TAMM41: variants seen among roughly 807,000 people sequenced by gnomAD.
TAMM41 encodes TAM41 mitochondrial translocator assembly and maintenance homolog, also known as phosphatidate cytidylyltransferase, mitochondrial.
Under a neutral mutation model 44.1 loss-of-function variants are expected in TAMM41, and 36 were observed. The observed-to-expected ratio is 0.82, with a 90% confidence interval of 0.63 to 1.08. TAMM41 has a LOEUF of 1.08. TAMM41 is among the 50% of genes least tolerant of loss of function. The pLI is 0.00. For synonymous variants in TAMM41, 164 were observed against 153.1 expected, an observed-to-expected ratio of 1.07 and a Z score of -0.53; for missense variants, 417 against 404.3, an observed-to-expected ratio of 1.03 and a Z score of -0.27.
chr3:11,796,785 T>G (rs1018056377), intron 7 of TAMM41, among the ~76,000 whole-genome samples: 11 of 152,184 alleles, frequency 7.2e-5, no homozygotes, highest in African/African-American at 2.7e-4. Flanking sequence ...CAAAAGCTCC[T>G]TCAGCTGATA....
chr3:11,809,676 T>C lies in TAMM41; in HGVS notation c.715A>G (p.Lys239Glu). Residue 239 changes from lysine to glutamate, a missense_variant, in exon 6 of 8, where the codon AAA becomes GAA. Physicochemically the swap from Lys to Glu is moderately conservative, Grantham distance 56. Transcript: ENST00000455809. ...TGAGTGAACTGTCCTTCTGGGCTTTTATCTATCTGAAGGGAGGAAAAAAAA... is the reference window on the plus strand; with the variant it reads ...TGAGTGAACTGTCCTTCTGGGCTTTCATCTATCTGAAGGGAGGAAAAAAAA... ...KSQQGWLEID[K>E]SPEGQFTQLM... is the part of the protein sequence containing the mutation. The C allele has an allele frequency of 6.2e-7, 1 of 1,610,464 alleles. No homozygotes were observed. Among genetic ancestry groups the C allele is most frequent in the Non-Finnish European group, 8.5e-7 (1 of 1,179,352 alleles).
chr3:11,786,231 TTG>T (rs1222557296), downstream of TAMM41, among the ~76,000 whole-genome samples: 6 of 151,148 alleles, frequency 4.0e-5, no homozygotes, highest in African/African-American at 1.5e-4. Flanking sequence ...CCCAACATCT[TTG>T]TAACAAAATC....
At chr3:11,801,467 G>A (rs1237343368) in intron 7 of TAMM41, among the ~76,000 whole-genome samples, 1 of 152,042 alleles carries the variant, frequency 6.6e-6, no homozygotes, top group Non-Finnish European at 1.5e-5. Flanking sequence ...TGGGACTACA[G>A]GCACATACCA....
rs75434853 is a variant in TAMM41 at position 11,797,456 on chromosome 3, G to A, written c.938-6875C>T. 4.3e-3 allele frequency among the ~76,000 whole-genome samples: 655 copies of A among 152,276 alleles called. 2 individuals are homozygous for A. Among genetic ancestry groups the A allele is most frequent in the Middle Eastern group, 0.024 (7 of 294 alleles). On this transcript the variant is annotated intron_variant, in intron 7 of 7. Coordinates refer to ENST00000455809, the MANE Select transcript of TAMM41 (RefSeq NM_001284401.2). The stretch of plus-strand genomic sequence containing the variant: ...ACTGGTTAGCCATATGCTGAAGATC[G>A]AAACTGGACCCTTCCTCATACCATA...
At chr3:11,777,175 ATTAAC>A in the TAMM41 span, among the ~76,000 whole-genome samples, 2 of 152,226 alleles carry the variant, frequency 1.3e-5, no homozygotes, top group Non-Finnish European at 1.5e-5. Context: ...GGGTATGCTA[ATTAAC>A]TTGATTGTGG....
chr3:11,724,091 T>A, the TAMM41 span, among the ~76,000 whole-genome samples: 1 of 151,456 alleles, frequency 6.6e-6, no homozygotes, highest in African/African-American at 2.4e-5. Context: ...ATTTTTATAT[T>A]TTTATTTATT....
At chr3:11,773,918 G>A in the TAMM41 span, among the ~76,000 whole-genome samples, 9 of 152,106 alleles carry the variant, frequency 5.9e-5, no homozygotes, top group East Asian at 1.7e-3. Context: ...GCGAAACCTC[G>A]TCTCTACTAA....
At chr3:11,781,784 T>C in the TAMM41 span, among the ~76,000 whole-genome samples, 1 of 131,780 alleles carries the variant, frequency 7.6e-6, no homozygotes. Flanking sequence ...ATAATAATCA[T>C]ACAAATAAGA....
downstream of TAMM41, among the ~76,000 whole-genome samples, chr3:11,786,286 T>TTTATTATTATTATTATTATTA (rs60089566): frequency 1.4e-4 from 20 of 138,854 alleles, no homozygotes; most frequent in African/African-American, 3.6e-4. Flanking sequence ...TTTATTTAAT[T>TTTATTATTATTATTATTATTA]TTATTATTAT....
At chr3:11,815,130 T>C (rs1267424786) in intron 5 of TAMM41, among the ~76,000 whole-genome samples, 1 of 152,092 alleles carries the variant, frequency 6.6e-6, no homozygotes, top group Non-Finnish European at 1.5e-5. Flanking sequence ...GTATATAGTC[T>C]CAAAAACTTG....
the TAMM41 span, among the ~76,000 whole-genome samples, chr3:11,728,061 A>G: frequency 3.9e-5 from 6 of 152,086 alleles, no homozygotes; most frequent in African/African-American, 9.7e-5. Context: ...CGCTGGGATT[A>G]CAGGCGTGAG....
chr3:11,846,536 A>G lies in TAMM41; in HGVS notation c.101T>C (p.Val34Ala). The change falls in exon 1 of 8, where the codon GTG (valine) becomes GCG (alanine). Residue 34 changes from valine to alanine, a missense_variant. Transcript: ENST00000455809. Reference protein sequence around the residue: ...LSLAFVYGSGVYRQAGPSSDQ... With the variant: ...LSLAFVYGSGAYRQAGPSSDQ... ...TGAACTCGGCCCTGCCTGGCGGTAC[A>G]CCCCGGAGCCGTAGACGAAAGCCAG... is the stretch of plus-strand genomic sequence containing the variant. 6.2e-7 allele frequency: 1 copy of G among 1,614,102 alleles called. No individual in the cohort carries two copies. Among genetic ancestry groups the G allele is most frequent in the Non-Finnish European group, 8.5e-7 (1 of 1,180,024 alleles).
chr3:11,764,483 A>ATTTTTTTTTTTTTTTTTTT, the TAMM41 span, among the ~76,000 whole-genome samples: 2 of 86,330 alleles, frequency 2.3e-5, no homozygotes, highest in African/African-American at 1.0e-4. Context: ...CCATAATCTT[A>ATTTTTTTTTTTTTTTTTTT]TTCTTTTTTT....
At chr3:11,833,444 T>C (rs1464700701) in intron 3 of TAMM41, among the ~76,000 whole-genome samples, 4 of 152,128 alleles carry the variant, frequency 2.6e-5, no homozygotes. Flanking sequence ...CTACCTACTG[T>C]TCAAATACTC....
the TAMM41 span, among the ~76,000 whole-genome samples, chr3:11,780,420 C>T: frequency 6.6e-6 from 1 of 152,198 alleles, no homozygotes; most frequent in East Asian, 1.9e-4. Context: ...ACAGGCTAGA[C>T]ATCACTTGCT....
At chr3:11,800,257 A>G (rs2077715080) in intron 7 of TAMM41, among the ~76,000 whole-genome samples, 1 of 152,194 alleles carries the variant, frequency 6.6e-6, no homozygotes, top group African/African-American at 2.4e-5. Context: ...AAGAAAACAA[A>G]GAATTTATAA....
chr3:11,832,504 A>G (rs930637342), intron 3 of TAMM41, among the ~76,000 whole-genome samples: 1 of 152,206 alleles, frequency 6.6e-6, no homozygotes, highest in East Asian at 1.9e-4. Flanking sequence ...GGGTGGGTGC[A>G]GGTCCTAAAA....
intron 2 of TAMM41, among the ~76,000 whole-genome samples, chr3:11,841,682 C>CGA (rs2079450430): frequency 6.6e-6 from 1 of 152,150 alleles, no homozygotes; most frequent in Admixed American, 6.5e-5. Flanking sequence ...GCTAAGTGTC[C>CGA]TGCATGACTC....
intron 2 of TAMM41, 42 bp from the exon 3 acceptor site, chr3:11,839,356 A>G (rs2079332094): frequency 8.0e-7 from 1 of 1,243,692 alleles, no homozygotes; most frequent in Admixed American, 1.8e-5. Flanking sequence ...GTAAAATACC[A>G]TGTTATTGCT....
Sources: gnomAD v4.1 joint callset for allele counts (sites outside exome capture counted in the v4.1 genomes callset) on GRCh38, gnomAD v4.1.1 for gene constraint, MANE v1.5 for transcripts, NCBI Gene and HGNC (gene_info 2026-07-23, HGNC 2026-07-21) for gene names.